TOMM22: variants seen among roughly 807,000 people sequenced by gnomAD.
TOMM22 encodes translocase of outer mitochondrial membrane 22.
Under a neutral mutation model 17.1 loss-of-function variants are expected in TOMM22, and 3 were observed. The observed-to-expected ratio is 0.18, with a 90% CI of 0.08 to 0.45. TOMM22 has a LOEUF of 0.45. Among genes scored for constraint, TOMM22 ranks in the 20% least tolerant of loss-of-function variants. TOMM22 has a pLI of 0.99. For synonymous variants in TOMM22, 91 were observed against 74.0 expected (o/e 1.23, Z -1.18); for missense variants, 159 against 179.5 (o/e 0.89, Z 0.65).
At chr22:38,683,317 T>C (rs1159034380) in intron 3 of TOMM22, among the ~76,000 whole-genome samples, 3 of 152,204 alleles carry the variant, frequency 2.0e-5, no homozygotes, top group Middle Eastern at 3.4e-3. Context: ...CAGTGACAGA[T>C]CATCAGGCAT....
Position 38,682,499 on chromosome 22 carries a change from AAG to A in TOMM22, c.236+60_236+61del, listed in dbSNP as rs1481937688. 2.0e-6 allele frequency: 3 copies of A among 1,503,116 alleles called. No individual in the cohort carries two copies. The African/African-American group carries it at 4.1e-5, about 21-fold the overall frequency. The allele number at this position is 1,503,116 out of a possible 1,614,324, so 93.1% of individuals were successfully genotyped here. A position where few individuals can be genotyped will look rare whatever the true frequency, so the allele number is the denominator to read the frequency against. On this transcript the variant is annotated intron_variant, in intron 2 of 3. Transcript: ENST00000216034. ...GCATGGGATGGTCGTGGTGCTGTGA[AAG>A]AACACGGGGTTTGGAAGCAGCAGAC...
Position 38,681,966 on chromosome 22 carries a change from G to A in TOMM22, c.-13G>A. ...CGCTCACCTCCTTTCCGCTTCCGGT[G>A]TCCCCTACAGTCATGGCTGCCGCCG... is the stretch of plus-strand genomic sequence containing the variant. On this transcript the variant is annotated 5_prime_UTR_variant, in exon 1 of 4. Coordinates refer to ENST00000216034, the MANE Select transcript of TOMM22 (RefSeq NM_020243.5). 1 of 1,603,642 alleles carries A rather than the reference G, an allele frequency of 6.2e-7. No homozygotes were observed. The highest frequency in any genetic ancestry group is 8.5e-7 in the Non-Finnish European group (1 of 1,172,360).
In TOMM22 at chr22:38,682,423, T is replaced by C. The variant is rs201624890; in HGVS notation, c.218T>C (p.Val73Ala). The change falls in exon 2 of 4, where the codon GTG (valine) becomes GCG (alanine). Residue 73 changes from valine (V) to alanine (A), a missense_variant. Around this residue, in one of 3 missense-constraint regions of TOMM22, gnomAD observed 107 missense variants for 100.2 expected, o/e 1.07. Transcript: ENST00000216034. ...AGATFDLSLF[V>A]AQKMYRFSRA... Reference sequence around the variant, plus strand: ...GCCACTTTTGATCTTTCCCTCTTTGTGGCTCAGAAAATGTACAGGTAAGGA... The same window carrying C: ...GCCACTTTTGATCTTTCCCTCTTTGCGGCTCAGAAAATGTACAGGTAAGGA... The C allele has an allele frequency of 1.9e-6, 3 of 1,614,186 alleles. No homozygotes were observed. Among genetic ancestry groups the C allele is most frequent in the Non-Finnish European group, 2.5e-6 (3 of 1,180,024 alleles).
intron 2 of TOMM22, 104 bp from the exon 3 acceptor site, chr22:38,682,775 A>G: frequency 1.0e-6 from 1 of 991,840 alleles, no homozygotes; most frequent in Non-Finnish European, 1.6e-6. Context: ...TACGTTTATC[A>G]AAAACATTGG....
At position 38,683,914 on chromosome 22, in the gene TOMM22, GAT is replaced by G; in HGVS notation, c.*74_*75del. On this transcript the variant is annotated 3_prime_UTR_variant, in exon 4 of 4. Coordinates refer to ENST00000216034, the MANE Select transcript of TOMM22 (RefSeq NM_020243.5). The stretch of plus-strand genomic sequence containing the variant: ...AAGTGTTTGAACTGCTGATAATTTG[GAT>G]TTTTTTTTTTTTTTAACTTTGGCAC... 35 of 1,371,302 alleles carry G rather than the reference GAT, an allele frequency of 2.6e-5. No homozygotes were observed. Among genetic ancestry groups the G allele is most frequent in the Admixed American group, 4.0e-5 (2 of 50,008 alleles). The allele number at this position is 1,371,302 out of a possible 1,614,324, so 84.9% of individuals were successfully genotyped here. A position where few individuals can be genotyped will look rare whatever the true frequency, so the allele number is the denominator to read the frequency against.
chr22:38,683,667 C>CT, intron 3 of TOMM22, 100 bp from the exon 4 acceptor site: 1 of 856,312 alleles, frequency 1.2e-6, no homozygotes, highest in South Asian at 1.5e-5. Context: ...TCTGACTGTG[C>CT]TTTCAGTATT....
chr22:38,682,471 C>T (rs375348339), intron 2 of TOMM22, 30 bp downstream of exon 2: 471 of 1,582,698 alleles, frequency 3.0e-4, no homozygotes, highest in Admixed American at 4.2e-4. Context: ...GCACTGGGTA[C>T]GTGCATGGGA....
rs1248885199 is a variant in TOMM22 at position 38,683,973 on chromosome 22, A to G, written c.*132A>G. On this transcript the variant is annotated 3_prime_UTR_variant, in exon 4 of 4. Transcript: ENST00000216034. The stretch of plus-strand genomic sequence containing the variant: ...CTATCTAAACCTGGTGGGGAGAATT[A>G]TCCCCACATTGTCTCATGGAAAGAC... The G allele has an allele frequency of 2.8e-6, 2 of 709,434 alleles. No homozygotes were observed. The highest frequency in any genetic ancestry group is 1.8e-5 in the South Asian group (1 of 55,252). 43.9% of individuals were successfully genotyped at this position (709,434 alleles called of 1,614,324 possible).
At chr22:38,682,220 T>C in intron 1 of TOMM22, 103 bp from the exon 2 acceptor site, 1 of 1,492,936 alleles carries the variant, frequency 6.7e-7, no homozygotes, top group African/African-American at 1.4e-5. Flanking sequence ...TGCTGGGCCC[T>C]GGGTGCCCTA....
rs1025128369 is a variant in TOMM22 at position 38,683,948 on chromosome 22, C to A, written c.*107C>A. The stretch of plus-strand genomic sequence containing the variant: ...TTTTTTTTAACTTTGGCACATTGAT[C>A]TATCTAAACCTGGTGGGGAGAATTA... On this transcript the variant is annotated 3_prime_UTR_variant, in exon 4 of 4. Coordinates refer to ENST00000216034, the MANE Select transcript of TOMM22 (RefSeq NM_020243.5). 2 of 913,944 alleles carry A rather than the reference C, an allele frequency of 2.2e-6. No individual in the cohort carries two copies. The highest frequency in any genetic ancestry group is 1.7e-6 in the Non-Finnish European group (1 of 591,556). The allele number at this position is 913,944 out of a possible 1,614,324, so 56.6% of individuals were successfully genotyped here. A position where few individuals can be genotyped will look rare whatever the true frequency, so the allele number is the denominator to read the frequency against.
rs139107203 is a variant in TOMM22, at chr22:38,683,915, A to AT, written c.*89dup. On this transcript the variant is annotated 3_prime_UTR_variant, in exon 4 of 4. Transcript: ENST00000216034. Reference sequence around the variant, plus strand: ...AGTGTTTGAACTGCTGATAATTTGGATTTTTTTTTTTTTTTAACTTTGGCA... The same window carrying AT: ...AGTGTTTGAACTGCTGATAATTTGGATTTTTTTTTTTTTTTTAACTTTGGCA... 0.034 allele frequency: 36,640 copies of AT among 1,066,148 alleles called. 91 individuals are homozygous for AT. The highest frequency in any genetic ancestry group is 0.074 in the African/African-American group (4,448 of 59,968). The allele number at this position is 1,066,148 out of a possible 1,614,324, so 66.0% of individuals were successfully genotyped here.
rs6001195 is a variant in TOMM22 at position 38,682,020 on chromosome 22, G to T, written c.42G>T (p.Gln14His). 5 of 1,610,958 alleles carry T rather than the reference G, an allele frequency of 3.1e-6. No individual in the cohort carries two copies. Among genetic ancestry groups the T allele is most frequent in the Non-Finnish European group, 4.2e-6 (5 of 1,178,910 alleles). Residue 14 changes from glutamine (Q) to histidine (H), a missense_variant, in exon 1 of 4, where the codon CAG becomes CAT. Physicochemically the swap from Gln to His is conservative, Grantham distance 24. This residue lies in a region of TOMM22 where 107 missense variants were observed against 100.2 expected (regional missense o/e 1.07). Coordinates refer to ENST00000216034, the MANE Select transcript of TOMM22 (RefSeq NM_020243.5). Reference sequence around the variant, plus strand: ...CTGCTGCCGGTGCAGGGGAACCCCAGTCCCCGGACGAATTGCTCCCGAAAG... The same window carrying T: ...CTGCTGCCGGTGCAGGGGAACCCCATTCCCCGGACGAATTGCTCCCGAAAG... ...AVAAAGAGEPQSPDELLPKGD... is the reference protein window; with the variant it reads ...AVAAAGAGEPHSPDELLPKGD...
rs1358327179 is a variant in TOMM22 at position 38,681,995 on chromosome 22, C to T, written c.17C>T (p.Ala6Val). MAAAVAAAGAGEPQSP... is the reference protein window; with the variant it reads MAAAVVAAGAGEPQSP... ...CCTACAGTCATGGCTGCCGCCGTCG[C>T]TGCTGCCGGTGCAGGGGAACCCCAG... The change falls in exon 1 of 4, where the codon GCT (alanine) becomes GTT (valine). Residue 6 changes from alanine (A) to valine (V), a missense_variant. By Grantham distance (64) the Ala-to-Val change is moderately conservative. This residue lies in a region of TOMM22 where 107 missense variants were observed against 100.2 expected (regional missense o/e 1.07). Transcript: ENST00000216034. 5 of 1,611,020 alleles carry T rather than the reference C, an allele frequency of 3.1e-6. No individual in the cohort carries two copies. The highest frequency in any genetic ancestry group is 4.2e-6 in the Non-Finnish European group (5 of 1,179,088).
At position 38,684,188 on chromosome 22, in the gene TOMM22, C is replaced by A; in HGVS notation, c.*347C>A. Reference sequence around the variant, plus strand: ...GCCAGTGGGAGGGATGTGCCCCTGACCATTAACGACTGTTTTTTTTTTTTT... The same window carrying A: ...GCCAGTGGGAGGGATGTGCCCCTGAACATTAACGACTGTTTTTTTTTTTTT... On this transcript the variant is annotated 3_prime_UTR_variant, in exon 4 of 4. Coordinates refer to ENST00000216034, the MANE Select transcript of TOMM22 (RefSeq NM_020243.5). 3.9e-6 allele frequency: 1 copy of A among 253,554 alleles called. No homozygotes were observed. Among genetic ancestry groups the A allele is most frequent in the Non-Finnish European group, 7.6e-6 (1 of 131,574 alleles). 15.7% of individuals were successfully genotyped at this position (253,554 alleles called of 1,614,324 possible).
At chr22:38,682,213 T>G (rs985852468) in intron 1 of TOMM22, 110 bp from the exon 2 acceptor site, 7 of 1,477,616 alleles carry the variant, frequency 4.7e-6, no homozygotes, top group South Asian at 4.7e-5. Flanking sequence ...GGGGCCCTGC[T>G]GGGCCCTGGG....
Position 38,684,200 on chromosome 22 carries a change from G to GTTTT in TOMM22, c.*374_*377dup, listed in dbSNP as rs758537384. Reference sequence around the variant, plus strand: ...GATGTGCCCCTGACCATTAACGACTGTTTTTTTTTTTTTTTTTTAAAGAAT... The same window carrying GTTTT: ...GATGTGCCCCTGACCATTAACGACTGTTTTTTTTTTTTTTTTTTTTTTAAAGAAT... On this transcript the variant is annotated 3_prime_UTR_variant, in exon 4 of 4. Transcript: ENST00000216034. 4.6e-5 allele frequency: 6 copies of GTTTT among 131,548 alleles called. No individual in the cohort carries two copies. The highest frequency in any genetic ancestry group is 2.2e-4 in the East Asian group (1 of 4,514). The allele number at this position is 131,548 out of a possible 1,614,324, so 8.1% of individuals were successfully genotyped here.
Position 38,684,198 on chromosome 22 carries a change from C to CGG in TOMM22, c.*357_*358insGG. 1 of 195,652 alleles carries CGG rather than the reference C, an allele frequency of 5.1e-6. No individual in the cohort carries two copies. Among genetic ancestry groups the CGG allele is most frequent in the Non-Finnish European group, 1.0e-5 (1 of 99,320 alleles). 12.1% of individuals were successfully genotyped at this position (195,652 alleles called of 1,614,324 possible). A position where few individuals can be genotyped will look rare whatever the true frequency, so the allele number is the denominator to read the frequency against. ...GGGATGTGCCCCTGACCATTAACGACTGTTTTTTTTTTTTTTTTTTAAAGA... is the reference window on the plus strand; with the variant it reads ...GGGATGTGCCCCTGACCATTAACGACGGTGTTTTTTTTTTTTTTTTTTAAAGA... On this transcript the variant is annotated 3_prime_UTR_variant, in exon 4 of 4. Transcript: ENST00000216034.
rs1469408554 is a variant in TOMM22, at chr22:38,682,032, A to G, written c.54A>G (p.Glu18=). The G allele has an allele frequency of 1.2e-6, 2 of 1,609,430 alleles. No individual in the cohort carries two copies. Among genetic ancestry groups the G allele is most frequent in the Admixed American group, 1.7e-5 (1 of 59,316 alleles). ...AGAGEPQSPD[E]LLPKGDAEKP... is the part of the protein sequence containing the mutation. ...CAGGGGAACCCCAGTCCCCGGACGA[A>G]TTGCTCCCGAAAGGCGACGCGGAGA... The change falls in exon 1 of 4, where the codon GAA becomes GAG. Residue 18 remains glutamate (E), a synonymous_variant. Transcript: ENST00000216034.
intron 3 of TOMM22, 73 bp from the exon 4 acceptor site, chr22:38,683,694 G>T (rs1371203994): frequency 1.5e-5 from 18 of 1,164,844 alleles, no homozygotes; most frequent in Non-Finnish European, 2.2e-5. Flanking sequence ...GTAGACGTTG[G>T]CCCCATCAGG....
Sources: gnomAD v4.1 joint callset for allele counts (sites outside exome capture counted in the v4.1 genomes callset) on GRCh38, gnomAD v4.1.1 for gene constraint, gnomAD v4.1.1 regional missense constraint, MANE v1.5 for transcripts, NCBI Gene and HGNC (gene_info 2026-07-23, HGNC 2026-07-21) for gene names.